Variants in KCNN2 observed in about 807,000 individuals in gnomAD.
The protein encoded by KCNN2 is potassium calcium-activated channel subfamily N member 2, also known as small conductance calcium-activated potassium channel protein 2.
KCNN2 carries 24 observed loss-of-function variants against 55.5 expected under a neutral mutation model. The ratio of observed to expected loss-of-function variants is 0.43; its 90% confidence interval spans 0.31 to 0.61. The LOEUF is 0.61. Among genes scored for constraint, KCNN2 ranks in the 20% least tolerant of loss-of-function variants. KCNN2 has a pLI of 0.08. For missense variants in KCNN2, 754 were observed against 853.6 expected, an observed-to-expected ratio of 0.88 and a Z score of 1.45; for synonymous variants, 431 against 336.1, an observed-to-expected ratio of 1.28 and a Z score of -3.09.
At chr5:114,144,333 A>G (rs866755290) in intron 1 of KCNN2, among the ~76,000 whole-genome samples, 17 of 152,184 alleles carry the variant, frequency 1.1e-4, no homozygotes, top group African/African-American at 4.1e-4. Context: ...TCAATACCTG[A>G]CTGAGAATTC....
At chr5:114,423,192 A>AG (rs1759520879) in intron 3 of KCNN2, among the ~76,000 whole-genome samples, 1 of 152,190 alleles carries the variant, frequency 6.6e-6, no homozygotes, top group Non-Finnish European at 1.5e-5. Flanking sequence ...CCAAGCACTA[A>AG]ACCTGGAACA....
At chr5:114,255,940 G>A (rs1254464219) in intron 2 of KCNN2, among the ~76,000 whole-genome samples, 1 of 151,854 alleles carries the variant, frequency 6.6e-6, no homozygotes, top group African/African-American at 2.4e-5. Context: ...GGGTTTTTAG[G>A]GGAACTATCC....
chr5:114,169,835 A>T (rs1022582913), intron 1 of KCNN2, among the ~76,000 whole-genome samples: 2 of 152,150 alleles, frequency 1.3e-5, no homozygotes, highest in African/African-American at 2.4e-5. Flanking sequence ...CTGAGTATTT[A>T]ATATGTCAGA....
chr5:114,449,569 A>C (rs140775371), intron 3 of KCNN2, among the ~76,000 whole-genome samples: 2 of 152,286 alleles, frequency 1.3e-5, no homozygotes, highest in Admixed American at 1.3e-4. Flanking sequence ...AGGCTCAGAC[A>C]TTAGGATGCA....
intron 3 of KCNN2, chr5:114,433,831 C>T (rs1318666688): frequency 6.5e-6 from 1 of 153,804 alleles, no homozygotes; most frequent in East Asian, 1.9e-4. Context: ...GGAACAAACT[C>T]CAGACGGCGC....
At chr5:114,386,012 A>G (rs1158973281) in intron 2 of KCNN2, among the ~76,000 whole-genome samples, 1 of 150,324 alleles carries the variant, frequency 6.7e-6, no homozygotes, top group Non-Finnish European at 1.5e-5. Flanking sequence ...CCCTGTCTCT[A>G]TTAAAAAAAA....
At chr5:114,199,065 C>A (rs759678185) in intron 1 of KCNN2, among the ~76,000 whole-genome samples, 16 of 151,960 alleles carry the variant, frequency 1.1e-4, no homozygotes, top group Non-Finnish European at 2.4e-4. Context: ...CTGTCTATTT[C>A]TTTAGGTCTA....
intron 1 of KCNN2, among the ~76,000 whole-genome samples, chr5:114,168,646 G>A (rs906968746): frequency 1.4e-4 from 22 of 151,882 alleles, no homozygotes; most frequent in Non-Finnish European, 2.8e-4. Context: ...TAAGCTCTCC[G>A]TTCTCAGTGT....
chr5:114,221,595 A>G (rs534263118), intron 2 of KCNN2, among the ~76,000 whole-genome samples: 129 of 152,334 alleles, frequency 8.5e-4, no homozygotes, highest in Non-Finnish European at 1.3e-3. Context: ...AAATATGTAC[A>G]TTTAGTTCTA....
intron 1 of KCNN2, among the ~76,000 whole-genome samples, chr5:114,164,133 T>C (rs866080420): frequency 2.0e-5 from 3 of 152,290 alleles, no homozygotes; most frequent in Middle Eastern, 3.4e-3. Context: ...ATTACAAAAG[T>C]ATTACTCTCT....
chr5:114,261,850 G>A (rs1373523280), intron 2 of KCNN2, among the ~76,000 whole-genome samples: 3 of 152,132 alleles, frequency 2.0e-5, no homozygotes, highest in Admixed American at 2.0e-4. Context: ...CACTGGGCAG[G>A]GCAGTTACCA....
At chr5:114,334,999 C>T (rs996430991) in intron 2 of KCNN2, among the ~76,000 whole-genome samples, 2 of 152,146 alleles carry the variant, frequency 1.3e-5, no homozygotes, top group South Asian at 4.1e-4. Context: ...TCTTGGCTCA[C>T]TGCAAGCTCT....
chr5:114,386,239 C>T (rs898067348), intron 2 of KCNN2, among the ~76,000 whole-genome samples: 1 of 148,166 alleles, frequency 6.7e-6, no homozygotes, highest in African/African-American at 2.5e-5. Context: ...TGCTCAAAAT[C>T]ACACTGCTTG....
chr5:114,306,513 T>C (rs2150024366), intron 2 of KCNN2, among the ~76,000 whole-genome samples: 2 of 152,284 alleles, frequency 1.3e-5, no homozygotes, highest in East Asian at 3.9e-4. Flanking sequence ...AAATGATTCA[T>C]GCTTTACTGG....
At chr5:114,330,097 C>A (rs997348720) in intron 2 of KCNN2, among the ~76,000 whole-genome samples, 9 of 152,192 alleles carry the variant, frequency 5.9e-5, no homozygotes, top group Non-Finnish European at 1.3e-4. Flanking sequence ...GCCCAATCAG[C>A]TGCTTCATAC....
intron 1 of KCNN2, among the ~76,000 whole-genome samples, chr5:114,220,327 A>T (rs1754107148): frequency 6.6e-6 from 1 of 152,104 alleles, no homozygotes; most frequent in African/African-American, 2.4e-5. Flanking sequence ...ATTTAAAAAC[A>T]TATATTTAAA....
chr5:114,453,455 TA>T (rs1561393669), intron 3 of KCNN2, among the ~76,000 whole-genome samples: 1 of 152,236 alleles, frequency 6.6e-6, no homozygotes, highest in African/African-American at 2.4e-5. Context: ...TCCTGGTATT[TA>T]AAAATTTACA....
intron 2 of KCNN2, among the ~76,000 whole-genome samples, chr5:114,350,722 C>G (rs1757191438): frequency 6.6e-6 from 1 of 151,788 alleles, no homozygotes; most frequent in Admixed American, 6.6e-5. Context: ...GTTCTATCCC[C>G]CAATGAATTA....
chr5:114,338,090 A>G (rs1159261811), intron 2 of KCNN2, among the ~76,000 whole-genome samples: 1 of 152,222 alleles, frequency 6.6e-6, no homozygotes, highest in Non-Finnish European at 1.5e-5. Context: ...CATTTTATGA[A>G]TAGCGTTTTT....
Sources: gnomAD v4.1 joint callset for allele counts (sites outside exome capture counted in the v4.1 genomes callset) on GRCh38, gnomAD v4.1.1 for gene constraint, MANE v1.5 for transcripts, NCBI Gene and HGNC (gene_info 2026-07-23, HGNC 2026-07-21) for gene names.